The following ADGRB3 variants were observed in gnomAD, a reference collection of about 807,000 sequenced individuals.
ADGRB3 encodes the protein brain-specific angiogenesis inhibitor 3.
In ADGRB3, 37 loss-of-function variants were observed where a neutral mutation model predicts 193.4. That is an observed-to-expected ratio of 0.19 (90% confidence interval 0.15 to 0.25). ADGRB3 has a LOEUF of 0.25. Among genes scored for constraint, ADGRB3 ranks in the 10% least tolerant of loss-of-function variants. The pLI, the probability that ADGRB3 is intolerant of heterozygous loss-of-function variation, is 1.00. For missense variants in ADGRB3, 1,637 were observed against 1,852.9 expected, an observed-to-expected ratio of 0.88 and a Z score of 2.14; for synonymous variants, 690 against 644.2, an observed-to-expected ratio of 1.07 and a Z score of -1.08.
chr6:69,014,581 T>C (rs906748573), intron 12 of ADGRB3, among the ~76,000 whole-genome samples: 2 of 152,004 alleles, frequency 1.3e-5, no homozygotes, highest in Non-Finnish European at 2.9e-5. Context: ...TTTTTAAAAA[T>C]CTTTTTGTTA....
At chr6:69,054,647 A>G (rs1038695105) in intron 15 of ADGRB3, among the ~76,000 whole-genome samples, 3 of 152,148 alleles carry the variant, frequency 2.0e-5, no homozygotes, top group African/African-American at 7.2e-5. Context: ...GGTGTTACTT[A>G]GTGCGTTATT....
intron 17 of ADGRB3, among the ~76,000 whole-genome samples, chr6:69,085,345 C>T (rs924087560): frequency 2.0e-5 from 3 of 151,974 alleles, no homozygotes; most frequent in Non-Finnish European, 4.4e-5. Flanking sequence ...TTTCAGGAGA[C>T]CTTTACACAA....
chr6:68,995,026 T>C (rs892878299), intron 11 of ADGRB3, among the ~76,000 whole-genome samples: 1 of 152,188 alleles, frequency 6.6e-6, no homozygotes, highest in Non-Finnish European at 1.5e-5. Context: ...CATATACTGC[T>C]GAAAGAAACT....
chr6:69,258,199 G>T (rs575440266), intron 20 of ADGRB3, among the ~76,000 whole-genome samples: 52 of 151,998 alleles, frequency 3.4e-4, no homozygotes, highest in Admixed American at 2.1e-3. Context: ...TATAAGAAAA[G>T]AAAAAAATTC....
intron 3 of ADGRB3, among the ~76,000 whole-genome samples, chr6:68,719,081 T>C (rs1427890859): frequency 6.6e-6 from 1 of 151,822 alleles, no homozygotes; most frequent in African/African-American, 2.4e-5. Flanking sequence ...GGTACTCTTA[T>C]AAGTTATATA....
chr6:68,729,213 C>T (rs1185203752), intron 3 of ADGRB3, among the ~76,000 whole-genome samples: 1 of 151,558 alleles, frequency 6.6e-6, no homozygotes, highest in African/African-American at 2.4e-5. Flanking sequence ...GATGGTAGAG[C>T]TACTGTGAAA....
intron 3 of ADGRB3, among the ~76,000 whole-genome samples, chr6:68,926,836 C>A (rs1389218718): frequency 6.6e-6 from 1 of 152,074 alleles, no homozygotes; most frequent in East Asian, 1.9e-4. Context: ...AATTGACTAT[C>A]AAAAGTCAAA....
At position 69,224,086 on chromosome 6, in the gene ADGRB3, T is replaced by A. The variant is rs192395000; in HGVS notation, c.2481-9204T>A. Among the ~76,000 whole-genome samples the A allele has an allele frequency of 2.8e-4, 42 of 152,284 alleles. No homozygotes were observed. In the East Asian group the frequency reaches 7.3e-3, roughly 27 times the overall value. On this transcript the variant is annotated intron_variant, in intron 17 of 31. Transcript: ENST00000370598. ...ATACCTATAATTTGTCACCCTGAGA[T>A]AATTACTCTTAATTATTTTTTCAAT...
intron 20 of ADGRB3, among the ~76,000 whole-genome samples, chr6:69,292,802 C>T (rs1582610009): frequency 6.6e-6 from 1 of 152,104 alleles, no homozygotes; most frequent in African/African-American, 2.4e-5. Context: ...ATGTGCCATG[C>T]TGGTGCGCTG....
chr6:68,655,553 A>G (rs1218061817), intron 3 of ADGRB3, among the ~76,000 whole-genome samples: 1 of 151,718 alleles, frequency 6.6e-6, no homozygotes, highest in African/African-American at 2.4e-5. Context: ...GACCTCAGAG[A>G]AATTAAAATG....
intron 3 of ADGRB3, among the ~76,000 whole-genome samples, chr6:68,881,952 G>A (rs1765745848): frequency 6.6e-6 from 1 of 152,026 alleles, no homozygotes; most frequent in Admixed American, 6.5e-5. Flanking sequence ...TATGTACACA[G>A]GTCTGTGACT....
At chr6:69,019,170 A>G (rs1300961068) in intron 13 of ADGRB3, among the ~76,000 whole-genome samples, 4 of 151,982 alleles carry the variant, frequency 2.6e-5, no homozygotes, top group African/African-American at 4.8e-5. Flanking sequence ...TCTTAGTGAT[A>G]CACATTGAAT....
chr6:68,955,491 T>C (rs1005564728), intron 6 of ADGRB3, among the ~76,000 whole-genome samples: 23 of 152,130 alleles, frequency 1.5e-4, no homozygotes, highest in African/African-American at 5.3e-4. Context: ...AATAAGTGAA[T>C]CAAAAGATAT....
chr6:69,045,068 C>T (rs1215926195), intron 13 of ADGRB3, among the ~76,000 whole-genome samples: 2 of 152,114 alleles, frequency 1.3e-5, no homozygotes, highest in Admixed American at 1.3e-4. Flanking sequence ...TTAAATCTTA[C>T]CTCTTTTGTA....
intron 29 of ADGRB3, among the ~76,000 whole-genome samples, chr6:69,363,112 C>A (rs1320323213): frequency 6.6e-6 from 1 of 151,932 alleles, no homozygotes; most frequent in African/African-American, 2.4e-5. Context: ...TGTGCTTGAA[C>A]AATAGACTGT....
At chr6:69,055,814 TTTGTTTTGC>T (rs1486928899) in intron 15 of ADGRB3, among the ~76,000 whole-genome samples, 2 of 151,910 alleles carry the variant, frequency 1.3e-5, no homozygotes, top group African/African-American at 2.4e-5. Flanking sequence ...TTTGTTTTTT[TTTGTTTTGC>T]TTTGTTTTGT....
intron 17 of ADGRB3, among the ~76,000 whole-genome samples, chr6:69,135,330 C>G (rs1774121100): frequency 6.6e-6 from 1 of 151,638 alleles, no homozygotes. Context: ...TTACAGCAAG[C>G]CTCTTTAAAT....
chr6:69,189,057 T>C (rs529777983), intron 17 of ADGRB3, among the ~76,000 whole-genome samples: 1 of 152,354 alleles, frequency 6.6e-6, no homozygotes, highest in African/African-American at 2.4e-5. Flanking sequence ...ACAATCACTC[T>C]GTGAAATGAT....
chr6:69,000,534 C>G (rs902872199), intron 11 of ADGRB3, among the ~76,000 whole-genome samples: 7 of 152,252 alleles, frequency 4.6e-5, no homozygotes, highest in Admixed American at 1.3e-4. Flanking sequence ...TGCTTAAGAT[C>G]ACTAGATACT....
Sources: allele counts gnomAD v4.1 joint callset (sites outside exome capture counted in the v4.1 genomes callset), GRCh38; gene constraint gnomAD v4.1.1; transcripts MANE v1.5; gene names NCBI Gene and HGNC (gene_info 2026-07-23, HGNC 2026-07-21).